The following SMYD1 variants were observed in gnomAD, a reference collection of about 807,000 sequenced individuals.
SMYD1 encodes the protein SET and MYND domain containing 1.
Under a neutral mutation model 54.0 loss-of-function variants are expected in SMYD1, and 49 were observed. The ratio of observed to expected loss-of-function variants is 0.91; its 90% confidence interval spans 0.72 to 1.15. The LOEUF is 1.15. Among genes scored for constraint, SMYD1 ranks in the 50% most tolerant of loss-of-function variants. The pLI is 0.00. For missense variants in SMYD1, 653 were observed against 639.6 expected (o/e 1.02, Z -0.23); for synonymous variants, 269 against 234.2 (o/e 1.15, Z -1.36).
intron 5 of SMYD1, 62 bp downstream of exon 5, chr2:88,093,617 G>T (rs1674511737): frequency 6.3e-7 from 1 of 1,595,722 alleles, no homozygotes; most frequent in Non-Finnish European, 8.6e-7. Flanking sequence ...TACCTGGTTT[G>T]CTGGGGCCAC....
chr2:88,111,065 C>G lies in SMYD1; in HGVS notation c.*553C>G, dbSNP rs1301807948. On this transcript the variant is annotated 3_prime_UTR_variant, in exon 10 of 10. Coordinates refer to ENST00000419482, the MANE Select transcript of SMYD1 (RefSeq NM_198274.4). ...AATTGGCTGAGCAGGATATGTGATA[C>G]TGTGTGGTTGGTGTGGAGTTTTGAA... 6.6e-6 allele frequency: 1 copy of G among 152,648 alleles called. No individual in the cohort carries two copies. Among genetic ancestry groups the G allele is most frequent in the Non-Finnish European group, 1.5e-5 (1 of 68,316 alleles). 9.5% of individuals were successfully genotyped at this position (152,648 alleles called of 1,614,324 possible).
intron 1 of SMYD1, among the ~76,000 whole-genome samples, chr2:88,079,508 C>G (rs984823427): frequency 6.6e-6 from 1 of 152,144 alleles, no homozygotes; most frequent in Non-Finnish European, 1.5e-5. Flanking sequence ...GGGTCCATCC[C>G]TGATGTCTGC....
chr2:88,103,401 G>A (rs1674772866), intron 7 of SMYD1, among the ~76,000 whole-genome samples: 1 of 152,176 alleles, frequency 6.6e-6, no homozygotes, highest in South Asian at 2.1e-4. Flanking sequence ...AATGCAGCCA[G>A]ACACTTGTCC....
Position 88,103,095 on chromosome 2 carries a change from C to T in SMYD1, c.926C>T (p.Ser309Phe). The T allele has an allele frequency of 1.9e-6, 3 of 1,614,088 alleles. No individual in the cohort carries two copies. The highest frequency in any genetic ancestry group is 2.5e-6 in the Non-Finnish European group (3 of 1,180,008). Residue 309 changes from serine (S) to phenylalanine (F), a missense_variant, in exon 7 of 10, where the codon TCC becomes TTC. Physicochemically the swap from Ser to Phe is radical, Grantham distance 155 (BLOSUM62 -2). Coordinates refer to ENST00000419482, the MANE Select transcript of SMYD1 (RefSeq NM_198274.4). ...QEVVKEMIQF[S>F]KDTLEKIDKA... Reference sequence around the variant, plus strand: ...GTGGTGAAGGAGATGATACAATTCTCCAAGGATACATTGGAAAAGATAGAC... The same window carrying T: ...GTGGTGAAGGAGATGATACAATTCTTCAAGGATACATTGGAAAAGATAGAC...
chr2:88,070,942 CAAAAAAAA>C (rs61024525), intron 1 of SMYD1, among the ~76,000 whole-genome samples: 1 of 60,128 alleles, frequency 1.7e-5, no homozygotes, highest in Non-Finnish European at 3.1e-5. Context: ...GACTATTTCT[CAAAAAAAA>C]AAAAAAAAAA....
chr2:88,108,329 G>A, intron 8 of SMYD1, 42 bp from the exon 9 acceptor site: 1 of 1,499,976 alleles, frequency 6.7e-7, no homozygotes, highest in Non-Finnish European at 8.9e-7. Flanking sequence ...CAGATATAAG[G>A]GTGATTGGTA....
Position 88,110,575 on chromosome 2 carries a change from G to T in SMYD1, c.*63G>T. 2 of 1,464,054 alleles carry T rather than the reference G, an allele frequency of 1.4e-6. No homozygotes were observed. Among genetic ancestry groups the T allele is most frequent in the South Asian group, 1.4e-5 (1 of 70,456 alleles). 90.7% of individuals were successfully genotyped at this position (1,464,054 alleles called of 1,614,324 possible). On this transcript the variant is annotated 3_prime_UTR_variant, in exon 10 of 10. Coordinates refer to ENST00000419482, the MANE Select transcript of SMYD1 (RefSeq NM_198274.4). ...GCTAGGGAGAGACTCTGGAGGTGGT[G>T]GGTCTCTCGGGAGACCCCTAATGAG... is the stretch of plus-strand genomic sequence containing the variant.
chr2:88,075,570 C>G (rs1267733070), intron 1 of SMYD1, among the ~76,000 whole-genome samples: 1 of 45,222 alleles, frequency 2.2e-5, no homozygotes, highest in Non-Finnish European at 6.3e-5. Context: ...TAGGGTCTCA[C>G]TCTGTTGGTC....
intron 1 of SMYD1, among the ~76,000 whole-genome samples, chr2:88,081,728 A>G (rs1674200154): frequency 6.6e-6 from 1 of 152,036 alleles, no homozygotes; most frequent in South Asian, 2.1e-4. Flanking sequence ...GAGCCACTGC[A>G]CCCGGCCATT....
chr2:88,068,023 C>G, intron 1 of SMYD1, 22 bp downstream of exon 1: 1 of 1,603,206 alleles, frequency 6.2e-7, no homozygotes, highest in Non-Finnish European at 8.5e-7. Context: ...GGGGAGTTGC[C>G]TTCTCTCCTG....
intron 2 of SMYD1, 87 bp downstream of exon 2, chr2:88,084,579 A>G: frequency 7.7e-7 from 1 of 1,301,788 alleles, no homozygotes. Flanking sequence ...GATCTAAGGA[A>G]GCCAAGCTGA....
At chr2:88,071,946 G>T (rs548073426) in intron 1 of SMYD1, among the ~76,000 whole-genome samples, 256 of 151,516 alleles carry the variant, frequency 1.7e-3, no homozygotes, top group Non-Finnish European at 3.0e-3. Flanking sequence ...CGCAATGCTG[G>T]GTTTTGTTGT....
chr2:88,105,378 TACACAC>T (rs397747635), intron 7 of SMYD1, among the ~76,000 whole-genome samples: 5 of 150,772 alleles, frequency 3.3e-5, no homozygotes, highest in African/African-American at 7.3e-5. Flanking sequence ...CATGCATATA[TACACAC>T]ACACACACAC....
chr2:88,070,003 A>G (rs1348594806), intron 1 of SMYD1, among the ~76,000 whole-genome samples: 4 of 152,234 alleles, frequency 2.6e-5, no homozygotes, highest in Non-Finnish European at 5.9e-5. Context: ...AAACACCTTC[A>G]TATACATTGC....
At chr2:88,069,201 T>C (rs1041965338) in intron 1 of SMYD1, among the ~76,000 whole-genome samples, 1 of 152,170 alleles carries the variant, frequency 6.6e-6, no homozygotes, top group Non-Finnish European at 1.5e-5. Flanking sequence ...TCTATGTGGT[T>C]TGAGTCTGAT....
intron 1 of SMYD1, among the ~76,000 whole-genome samples, chr2:88,071,789 C>G (rs541633738): frequency 6.6e-6 from 1 of 151,974 alleles, no homozygotes; most frequent in South Asian, 2.1e-4. Flanking sequence ...GGGTGATGCA[C>G]GAGTGGGTAA....
intron 7 of SMYD1, among the ~76,000 whole-genome samples, chr2:88,104,046 A>G (rs1674792500): frequency 6.6e-6 from 1 of 150,814 alleles, no homozygotes; most frequent in South Asian, 2.1e-4. Flanking sequence ...GGCTCACTGC[A>G]AGCTCTGCCT....
At chr2:88,078,695 AG>A (rs1558847776) in intron 1 of SMYD1, among the ~76,000 whole-genome samples, 1 of 152,204 alleles carries the variant, frequency 6.6e-6, no homozygotes, top group Non-Finnish European at 1.5e-5. Flanking sequence ...GCAGAATCCC[AG>A]CCCCCACCCC....
rs1271648028 is a variant in SMYD1, at chr2:88,106,367, G to C, written c.1024G>C (p.Val342Leu). 1 of 1,614,194 alleles carries C rather than the reference G, an allele frequency of 6.2e-7. No homozygotes were observed. The highest frequency in any genetic ancestry group is 1.3e-5 in the African/African-American group (1 of 75,054). ...GGAGTGCCTGGAGAAGCAGGAGCCAGTGTTTGCTGACACCAACATCTACAT... is the reference window on the plus strand; with the variant it reads ...GGAGTGCCTGGAGAAGCAGGAGCCACTGTTTGCTGACACCAACATCTACAT... ...CRECLEKQEP[V>L]FADTNIYMLR... Residue 342 changes from valine to leucine, a missense_variant, in exon 8 of 10, where the codon GTG (valine) becomes CTG (leucine). Coordinates refer to ENST00000419482, the MANE Select transcript of SMYD1 (RefSeq NM_198274.4).
Sources: gnomAD v4.1 joint callset for allele counts (sites outside exome capture counted in the v4.1 genomes callset) on GRCh38, gnomAD v4.1.1 for gene constraint, MANE v1.5 for transcripts, NCBI Gene and HGNC (gene_info 2026-07-23, HGNC 2026-07-21) for gene names.